The following GLRA1 variants were observed in gnomAD, a reference collection of about 807,000 sequenced individuals.
GLRA1 encodes the protein glycine receptor alpha 1.
A neutral mutation model predicts 48.3 loss-of-function variants in GLRA1; 37 were observed. That is an observed-to-expected ratio of 0.77 (90% CI 0.59 to 1.01). The LOEUF is 1.01. Ranked by LOEUF, GLRA1 falls within the 50% of genes least tolerant of loss-of-function variation. The pLI is 0.00. For missense variants in GLRA1, 427 were observed against 571.0 expected, an observed-to-expected ratio of 0.75 and a Z score of 2.57; for synonymous variants, 196 against 210.7, an observed-to-expected ratio of 0.93 and a Z score of 0.60.
intron 7 of GLRA1, chr5:151,848,900 C>A: frequency 1.5e-6 from 1 of 673,570 alleles, no homozygotes; most frequent in Admixed American, 1.8e-5. Flanking sequence ...CGCCTCAGCA[C>A]ATTCCCACTT....
chr5:151,912,428 T>A (rs184694042), intron 1 of GLRA1, among the ~76,000 whole-genome samples: 1 of 152,298 alleles, frequency 6.6e-6, no homozygotes, highest in Admixed American at 6.5e-5. Flanking sequence ...AAGAGCAACC[T>A]TATCTGCAAT....
At chr5:151,835,784 A>G (rs779343593) in intron 7 of GLRA1, among the ~76,000 whole-genome samples, 3 of 152,212 alleles carry the variant, frequency 2.0e-5, no homozygotes, top group Non-Finnish European at 4.4e-5. Flanking sequence ...AACTCTCAAT[A>G]AACTGGGTAT....
At chr5:151,921,952 TTCC>T (rs941624540) in intron 1 of GLRA1, among the ~76,000 whole-genome samples, 1 of 152,194 alleles carries the variant, frequency 6.6e-6, no homozygotes, top group African/African-American at 2.4e-5. Context: ...TAAGACCCAG[TTCC>T]TCCTCTGTGT....
At position 151,856,182 on chromosome 5, in the gene GLRA1, G is replaced by C. The variant is rs1753036908; in HGVS notation, c.559+119C>G. ...GCAAAGTCCTTCATTGAATATTTTGGGTTATTACAGTAATCTCCTGGGGTC... is the reference window on the plus strand; with the variant it reads ...GCAAAGTCCTTCATTGAATATTTTGCGTTATTACAGTAATCTCCTGGGGTC... On this transcript the variant is annotated intron_variant, in intron 5 of 8. Coordinates refer to ENST00000274576, the MANE Select transcript of GLRA1 (RefSeq NM_000171.4). The C allele has an allele frequency of 8.6e-6, 6 of 700,546 alleles. No homozygotes were observed. The East Asian group carries it at 1.7e-4, about 20-fold the overall frequency. The allele number at this position is 700,546 out of a possible 1,614,324, so 43.4% of individuals were successfully genotyped here. A position where few individuals can be genotyped will look rare whatever the true frequency, so the allele number is the denominator to read the frequency against.
intron 1 of GLRA1, among the ~76,000 whole-genome samples, chr5:151,913,898 A>G (rs1223396260): frequency 1.3e-5 from 2 of 152,248 alleles, no homozygotes; most frequent in Non-Finnish European, 2.9e-5. Flanking sequence ...TCAGGCACGA[A>G]GGAAGCACTC....
rs1446144797 is a variant in GLRA1 at position 151,855,073 on chromosome 5, C to T, written c.664G>A (p.Asp222Asn). ...LPQFILKEEK[D>N]LRYCTKHYNT... ...TAGTGCTTGGTGCAGTATCTCAAGT[C>T]CTTCTCTTCCTTCAAGATAAACTGG... Residue 222 changes from aspartate (D) to asparagine (N), a missense_variant, in exon 6 of 9, where the codon GAC becomes AAC. Around this residue, in one of 4 missense-constraint regions of GLRA1, gnomAD observed 271 missense variants for 434.9 expected, o/e 0.62. Transcript: ENST00000274576. 2.5e-6 allele frequency: 4 copies of T among 1,614,014 alleles called. No homozygotes were observed. The African/African-American group carries it at 5.3e-5, about 22-fold the overall frequency.
At chr5:151,880,683 G>A (rs73285980) in intron 3 of GLRA1, among the ~76,000 whole-genome samples, 1,756 of 152,240 alleles carry the variant, frequency 0.012, 26 homozygotes, top group African/African-American at 0.035. Flanking sequence ...CCCTTAATGT[G>A]CACACATGTA....
At chr5:151,889,725 C>G (rs1373315432) in intron 2 of GLRA1, among the ~76,000 whole-genome samples, 3 of 151,788 alleles carry the variant, frequency 2.0e-5, no homozygotes, top group Non-Finnish European at 4.4e-5. Context: ...TTTTCAGGAG[C>G]TCTATGGTTT....
chr5:151,884,997 T>A (rs989731976), intron 3 of GLRA1, among the ~76,000 whole-genome samples: 3 of 152,230 alleles, frequency 2.0e-5, no homozygotes, highest in Non-Finnish European at 4.4e-5. Flanking sequence ...CCATGTTTGT[T>A]CCTAGCTAAC....
At chr5:151,866,201 C>T (rs934950223) in intron 3 of GLRA1, among the ~76,000 whole-genome samples, 7 of 152,204 alleles carry the variant, frequency 4.6e-5, no homozygotes, top group African/African-American at 1.7e-4. Context: ...CCCATCCTGC[C>T]TCTCAGATTC....
chr5:151,831,845 C>T (rs1291639519), intron 7 of GLRA1, among the ~76,000 whole-genome samples: 1 of 152,220 alleles, frequency 6.6e-6, no homozygotes, highest in Admixed American at 6.5e-5. Flanking sequence ...CCTGTGCCTC[C>T]TGATGGAGAG....
At chr5:151,823,697 T>TA (rs1329019143) in intron 8 of GLRA1, among the ~76,000 whole-genome samples, 2 of 152,222 alleles carry the variant, frequency 1.3e-5, no homozygotes, top group African/African-American at 4.8e-5. Flanking sequence ...GGCTCCAACT[T>TA]ACCTTTCCAG....
chr5:151,897,595 C>T (rs928883687), intron 1 of GLRA1, among the ~76,000 whole-genome samples: 3 of 152,054 alleles, frequency 2.0e-5, no homozygotes, highest in African/African-American at 7.2e-5. Context: ...AGGCTTATTG[C>T]AATAGATGCA....
chr5:151,894,556 C>G (rs6877199), intron 1 of GLRA1, among the ~76,000 whole-genome samples: 1 of 151,740 alleles, frequency 6.6e-6, no homozygotes, highest in Admixed American at 6.6e-5. Context: ...ACCCCACTAC[C>G]CCCCATAAAC....
At chr5:151,855,897 C>T (rs904385100) in intron 5 of GLRA1, among the ~76,000 whole-genome samples, 1 of 152,248 alleles carries the variant, frequency 6.6e-6, no homozygotes, top group African/African-American at 2.4e-5. Flanking sequence ...CACGAGGCCA[C>T]AGTGCTTTGT....
chr5:151,841,150 T>C (rs1763704629), intron 7 of GLRA1, among the ~76,000 whole-genome samples: 1 of 152,070 alleles, frequency 6.6e-6, no homozygotes, highest in South Asian at 2.1e-4. Context: ...GTCTCAAACT[T>C]AAAATAGTTG....
chr5:151,844,460 A>G (rs577114278), intron 7 of GLRA1, among the ~76,000 whole-genome samples: 33 of 151,634 alleles, frequency 2.2e-4, no homozygotes, highest in African/African-American at 7.7e-4. Context: ...CATCTCTACT[A>G]AAAATATAAA....
rs3033233 is a variant in GLRA1 at position 151,881,492 on chromosome 5, A to ATTTT, written c.252+5225_252+5228dup. Among the ~76,000 whole-genome samples, 8 of 116,838 alleles carry ATTTT rather than the reference A, an allele frequency of 6.8e-5. No homozygotes were observed. In the East Asian group the frequency reaches 1.7e-3, roughly 25 times the overall value. 76.7% of individuals were successfully genotyped at this position (116,838 alleles called of 152,430 possible). The stretch of plus-strand genomic sequence containing the variant: ...CAAGCATGTGCCACCATGCCCTGCA[A>ATTTT]TTTTTTTTTTTTTTTTTTTTTTTTA... On this transcript the variant is annotated intron_variant, in intron 3 of 8. Coordinates refer to ENST00000274576, the MANE Select transcript of GLRA1 (RefSeq NM_000171.4).
At chr5:151,847,725 C>CAAA (rs769363716) in intron 7 of GLRA1, among the ~76,000 whole-genome samples, 3 of 87,746 alleles carry the variant, frequency 3.4e-5, no homozygotes, top group South Asian at 3.6e-4. Context: ...GACTTCGTCT[C>CAAA]AAAAAAAAAA....
Sources: allele counts gnomAD v4.1 joint callset (sites outside exome capture counted in the v4.1 genomes callset), GRCh38; gene constraint gnomAD v4.1.1; regional missense constraint gnomAD v4.1.1; transcripts MANE v1.5; gene names NCBI Gene and HGNC (gene_info 2026-07-23, HGNC 2026-07-21).